Variants in SPATA17 observed in about 807,000 individuals in gnomAD.
SPATA17 encodes spermatogenesis associated 17.
A neutral mutation model predicts 62.2 loss-of-function variants in SPATA17; 53 were observed. The observed-to-expected ratio is 0.85, with a 90% CI of 0.68 to 1.07. The LOEUF (loss-of-function observed/expected upper bound fraction) is 1.07, where lower values mean the gene tolerates loss of function less well. Among genes scored for constraint, SPATA17 ranks in the 50% least tolerant of loss-of-function variants. SPATA17 has a pLI of 0.00. For synonymous variants in SPATA17, 146 were observed against 146.8 expected (o/e 0.99, Z 0.04); for missense variants, 466 against 425.5 (o/e 1.10, Z -0.84).
chr1:217,864,706 G>T lies in SPATA17; in HGVS notation c.*2+1850G>T, dbSNP rs548866314. On this transcript the variant is annotated intron_variant, in intron 10 of 10. Coordinates refer to ENST00000366933, the MANE Select transcript of SPATA17 (RefSeq NM_138796.4). ...ATTTTTTGATGTTTTAATGCAACCA[G>T]ACGAAAGCCAAGTATTAAAACAAAA... Among the ~76,000 whole-genome samples, 11 of 152,124 alleles carry T rather than the reference G, an allele frequency of 7.2e-5. No homozygotes were observed. In the South Asian group the frequency reaches 2.1e-3, roughly 29 times the overall value.
intron 6 of SPATA17, among the ~76,000 whole-genome samples, chr1:217,750,937 A>G (rs1025776524): frequency 6.6e-6 from 1 of 152,198 alleles, no homozygotes; most frequent in Non-Finnish European, 1.5e-5. Context: ...CCATGGTCAC[A>G]ATAAAAATCT....
At chr1:217,639,837 A>G (rs1571697584) in intron 1 of SPATA17, among the ~76,000 whole-genome samples, 1 of 152,010 alleles carries the variant, frequency 6.6e-6, no homozygotes, top group African/African-American at 2.4e-5. Flanking sequence ...ACCCACATGT[A>G]TGGTCTCTCA....
At chr1:217,823,255 G>A (rs1254035917) in intron 9 of SPATA17, among the ~76,000 whole-genome samples, 1 of 151,516 alleles carries the variant, frequency 6.6e-6, no homozygotes, top group Non-Finnish European at 1.5e-5. Context: ...AAGAGTACAA[G>A]TTCGTGGTTA....
At chr1:217,661,382 T>C (rs1340590731) in intron 3 of SPATA17, among the ~76,000 whole-genome samples, 6 of 152,028 alleles carry the variant, frequency 3.9e-5, no homozygotes, top group Non-Finnish European at 8.8e-5. Context: ...GGGATCTCTT[T>C]AGTGAGGAAA....
At chr1:217,657,639 CAAT>C (rs1353867329) in intron 3 of SPATA17, among the ~76,000 whole-genome samples, 8 of 152,048 alleles carry the variant, frequency 5.3e-5, no homozygotes, top group Admixed American at 5.2e-4. Flanking sequence ...ACAATAATAA[CAAT>C]GTCATACAGT....
intron 10 of SPATA17, among the ~76,000 whole-genome samples, chr1:217,863,323 G>T (rs1179937810): frequency 1.3e-5 from 2 of 151,752 alleles, no homozygotes; most frequent in Non-Finnish European, 2.9e-5. Context: ...TAGAGATGAG[G>T]TTTCACCATG....
chr1:217,767,866 A>G (rs951904529), intron 6 of SPATA17, among the ~76,000 whole-genome samples: 1 of 152,108 alleles, frequency 6.6e-6, no homozygotes, highest in Non-Finnish European at 1.5e-5. Flanking sequence ...TTGTCTCTTT[A>G]ACTGCCTGTG....
At chr1:217,860,723 G>C (rs913310236) in intron 9 of SPATA17, among the ~76,000 whole-genome samples, 1 of 152,014 alleles carries the variant, frequency 6.6e-6, no homozygotes, top group Admixed American at 6.6e-5. Flanking sequence ...CTTTTACCCT[G>C]TGTTTTCACA....
intron 6 of SPATA17, among the ~76,000 whole-genome samples, chr1:217,753,619 ATATATG>A (rs994686067): frequency 3.3e-5 from 5 of 151,914 alleles, no homozygotes; most frequent in Admixed American, 6.6e-5. Context: ...ATATGTATAT[ATATATG>A]TATATGTATA....
chr1:217,661,435 C>G (rs1670566266), intron 3 of SPATA17, among the ~76,000 whole-genome samples: 1 of 151,988 alleles, frequency 6.6e-6, no homozygotes. Context: ...ATATTTATAT[C>G]CAGCTTTTAA....
intron 7 of SPATA17, among the ~76,000 whole-genome samples, chr1:217,778,517 T>A (rs1673652625): frequency 6.6e-6 from 1 of 152,222 alleles, no homozygotes; most frequent in African/African-American, 2.4e-5. Flanking sequence ...CAAGACTCCA[T>A]CCCAAAAAAT....
At chr1:217,732,844 G>A (rs1351806947) in intron 5 of SPATA17, among the ~76,000 whole-genome samples, 1 of 151,968 alleles carries the variant, frequency 6.6e-6, no homozygotes, top group East Asian at 1.9e-4. Context: ...TTGTAGTTAT[G>A]TCATTATTAA....
At chr1:217,776,424 CA>C (rs1273411529) in intron 7 of SPATA17, among the ~76,000 whole-genome samples, 1 of 152,116 alleles carries the variant, frequency 6.6e-6, no homozygotes, top group Non-Finnish European at 1.5e-5. Flanking sequence ...TAAATTACTC[CA>C]AAATCTAATG....
intron 6 of SPATA17, among the ~76,000 whole-genome samples, chr1:217,750,789 C>T (rs1228017791): frequency 1.3e-5 from 2 of 152,240 alleles, no homozygotes; most frequent in African/African-American, 4.8e-5. Context: ...GCTAGAGCAG[C>T]ATGGGATCTT....
At chr1:217,685,205 C>A (rs770494943) in intron 5 of SPATA17, among the ~76,000 whole-genome samples, 9 of 152,098 alleles carry the variant, frequency 5.9e-5, no homozygotes, top group Admixed American at 4.6e-4. Flanking sequence ...GATTATCAAC[C>A]TTGAACTTTC....
At chr1:217,797,800 C>T (rs1029781775) in intron 8 of SPATA17, among the ~76,000 whole-genome samples, 6 of 152,206 alleles carry the variant, frequency 3.9e-5, no homozygotes, top group Admixed American at 6.5e-5. Flanking sequence ...TCCCTTAATA[C>T]GTCTGGAGTG....
At chr1:217,743,612 T>C (rs1672675985) in intron 6 of SPATA17, among the ~76,000 whole-genome samples, 2 of 152,090 alleles carry the variant, frequency 1.3e-5, no homozygotes, top group South Asian at 4.2e-4. Flanking sequence ...CATTCTTTTT[T>C]TTTTTAAGAG....
chr1:217,667,671 A>G (rs1670729843), intron 3 of SPATA17, among the ~76,000 whole-genome samples: 1 of 152,334 alleles, frequency 6.6e-6, no homozygotes, highest in East Asian at 1.9e-4. Flanking sequence ...TAAAGACAAG[A>G]AACATCTTTT....
intron 9 of SPATA17, among the ~76,000 whole-genome samples, chr1:217,822,276 A>C (rs1475909363): frequency 6.6e-6 from 1 of 151,996 alleles, no homozygotes; most frequent in Non-Finnish European, 1.5e-5. Flanking sequence ...TAATAGGTAA[A>C]ATTCTTTTAA....
Sources: gnomAD v4.1 joint callset for allele counts (sites outside exome capture counted in the v4.1 genomes callset) on GRCh38, gnomAD v4.1.1 for gene constraint, MANE v1.5 for transcripts, NCBI Gene and HGNC (gene_info 2026-07-23, HGNC 2026-07-21) for gene names.